The following ELL variants were observed in gnomAD, a reference collection of about 807,000 sequenced individuals.
ELL encodes RNA polymerase II elongation factor ELL.
A neutral mutation model predicts 64.0 loss-of-function variants in ELL; 18 were observed. The ratio of observed to expected loss-of-function variants is 0.28; its 90% CI spans 0.19 to 0.42. ELL has a LOEUF of 0.42. Among genes scored for constraint, ELL ranks in the 10% least tolerant of loss-of-function variants. The pLI, the probability that ELL is intolerant of heterozygous loss-of-function variation, is 1.00. For missense variants in ELL, 797 were observed against 870.4 expected, an observed-to-expected ratio of 0.92 and a Z score of 1.06; for synonymous variants, 399 against 376.2, an observed-to-expected ratio of 1.06 and a Z score of -0.70.
In ELL at chr19:18,462,334, G is replaced by GGTGTGTGTGTGTGTGT. The variant is rs765676443; in HGVS notation, c.470-483_470-482insACACACACACACACAC. Among the ~76,000 whole-genome samples the GGTGTGTGTGTGTGTGT allele has an allele frequency of 4.2e-4, 38 of 90,572 alleles. 2 individuals are homozygous for GGTGTGTGTGTGTGTGT. The highest frequency in any genetic ancestry group is 2.5e-3 in the African/African-American group (36 of 14,230). The allele number at this position is 90,572 out of a possible 152,430, so 59.4% of individuals were successfully genotyped here. A position where few individuals can be genotyped will look rare whatever the true frequency, so the allele number is the denominator to read the frequency against. On this transcript the variant is annotated intron_variant, in intron 4 of 11. Coordinates refer to ENST00000262809, the MANE Select transcript of ELL (RefSeq NM_006532.4). ...TGAAATCACCTGATCACTCTAGTGG[G>GGTGTGTGTGTGTGTGT]CTGTGTGTGTGTGTGTGTGTGTGTG...
At chr19:18,451,090 C>G (rs1974522582) in intron 7 of ELL, 115 bp from the exon 8 acceptor site, 2 of 1,362,786 alleles carry the variant, frequency 1.5e-6, no homozygotes, top group Non-Finnish European at 1.9e-6. Context: ...ACGCTGGCCA[C>G]ATGGGGGCGC....
At chr19:18,458,547 G>T (rs1420876098) in intron 5 of ELL, among the ~76,000 whole-genome samples, 1 of 152,122 alleles carries the variant, frequency 6.6e-6, no homozygotes, top group African/African-American at 2.4e-5. Context: ...GGATAATGAG[G>T]GTCATGAAGG....
At chr19:18,484,678 G>A (rs1975374742) in intron 1 of ELL, among the ~76,000 whole-genome samples, 1 of 152,136 alleles carries the variant, frequency 6.6e-6, no homozygotes, top group African/African-American at 2.4e-5. Context: ...AACCGGCAAG[G>A]AAGCACATGA....
rs1974479370 is a variant in ELL, at chr19:18,449,556, C to T, written c.1465+921G>A. ...AGGGGACGGGGCATGGCCCTCTGAG[C>T]AACGCAAAGCTATAATGAAAGAAGG... On this transcript the variant is annotated intron_variant, in intron 8 of 11. Coordinates refer to ENST00000262809, the MANE Select transcript of ELL (RefSeq NM_006532.4). The surrounding 1 kb of genome is among the most constrained non-coding windows in gnomAD (Gnocchi z 4.4). Among the ~76,000 whole-genome samples, 1 of 152,192 alleles carries T rather than the reference C, an allele frequency of 6.6e-6. No homozygotes were observed. The highest frequency in any genetic ancestry group is 1.5e-5 in the Non-Finnish European group (1 of 68,034).
chr19:18,494,893 A>C (rs564736790), intron 1 of ELL, among the ~76,000 whole-genome samples: 1 of 152,266 alleles, frequency 6.6e-6, no homozygotes, highest in African/African-American at 2.4e-5. Context: ...TGGCATCTGG[A>C]CAACTCTACC....
At chr19:18,458,116 C>A in intron 6 of ELL, 89 bp downstream of exon 6, 1 of 1,565,244 alleles carries the variant, frequency 6.4e-7, no homozygotes. Flanking sequence ...GCCTTCAGGA[C>A]CACACAAGAC....
At chr19:18,493,376 T>A (rs1240263508) in intron 1 of ELL, among the ~76,000 whole-genome samples, 1 of 152,134 alleles carries the variant, frequency 6.6e-6, no homozygotes, top group Non-Finnish European at 1.5e-5. Context: ...CTGGGCAGCA[T>A]AACAATGCAT....
Position 18,461,896 on chromosome 19 carries a change from C to T in ELL, c.470-44G>A, listed in dbSNP as rs975611317. 11 of 1,582,376 alleles carry T rather than the reference C, an allele frequency of 7.0e-6. No individual in the cohort carries two copies. The South Asian group carries it at 7.1e-5, about 10-fold the overall frequency. ...CTTTAGGGAACAGAGAGGGCGCTGCCGTGTCCTAAGCCAGTGCTGCTGACC... is the reference window on the plus strand; with the variant it reads ...CTTTAGGGAACAGAGAGGGCGCTGCTGTGTCCTAAGCCAGTGCTGCTGACC... On this transcript the variant is annotated intron_variant, in intron 4 of 11. Transcript: ENST00000262809.
At chr19:18,502,511 A>T (rs1600495046) in intron 1 of ELL, among the ~76,000 whole-genome samples, 1 of 152,364 alleles carries the variant, frequency 6.6e-6, no homozygotes, top group South Asian at 2.1e-4. Flanking sequence ...AAATCCTGCA[A>T]CCAGCCGCAT....
At chr19:18,503,942 G>A (rs915724788) in intron 1 of ELL, among the ~76,000 whole-genome samples, 2 of 152,168 alleles carry the variant, frequency 1.3e-5, no homozygotes, top group Admixed American at 6.5e-5. Context: ...CTGGCCAGAC[G>A]CTAGGTCTGA....
At position 18,444,879 on chromosome 19, in the gene ELL, G is replaced by A. The variant is rs1974378842; in HGVS notation, c.1750-11C>T. 6.2e-7 allele frequency: 1 copy of A among 1,608,306 alleles called. No homozygotes were observed. The highest frequency in any genetic ancestry group is 2.2e-5 in the East Asian group (1 of 44,830). ...GTAGTTGGTGTTGGTCTGTGGGACA[G>A]CACAGTCATGCTCAGGACAGAGCCG... is the stretch of plus-strand genomic sequence containing the variant. On this transcript the variant is annotated splice_polypyrimidine_tract_variant and intron_variant, in intron 11 of 11. Coordinates refer to ENST00000262809, the MANE Select transcript of ELL (RefSeq NM_006532.4).
At chr19:18,509,593 G>GCGCGCGCGCGCGCACACACA (rs1438642062) in intron 1 of ELL, among the ~76,000 whole-genome samples, 9 of 83,238 alleles carry the variant, frequency 1.1e-4, no homozygotes, top group Non-Finnish European at 1.4e-4. Flanking sequence ...GCGCGCGCGC[G>GCGCGCGCGCGCGCACACACA]CACATACACA....
At chr19:18,494,170 T>C (rs1014632891) in intron 1 of ELL, among the ~76,000 whole-genome samples, 23 of 151,238 alleles carry the variant, frequency 1.5e-4, no homozygotes, top group African/African-American at 5.3e-4. Context: ...AAGGTTATAG[T>C]GAGCTGTGAT....
intron 1 of ELL, among the ~76,000 whole-genome samples, chr19:18,512,350 G>T (rs1600506930): frequency 6.6e-6 from 1 of 151,320 alleles, no homozygotes; most frequent in African/African-American, 2.4e-5. Context: ...TAAAAATAAA[G>T]AAACAGGCCA....
intron 4 of ELL, among the ~76,000 whole-genome samples, chr19:18,463,381 C>G (rs1304826575): frequency 1.5e-5 from 2 of 130,446 alleles, no homozygotes; most frequent in African/African-American, 3.1e-5. Flanking sequence ...GTTGCGCAGG[C>G]TGGAGTGCAA....
intron 5 of ELL, among the ~76,000 whole-genome samples, chr19:18,458,535 A>C (rs1185217057): frequency 6.6e-6 from 1 of 152,122 alleles, no homozygotes; most frequent in Non-Finnish European, 1.5e-5. Context: ...AGGGTGCAGA[A>C]GGGATAATGA....
At chr19:18,498,823 G>A (rs1036370394) in intron 1 of ELL, among the ~76,000 whole-genome samples, 1 of 152,140 alleles carries the variant, frequency 6.6e-6, no homozygotes, top group African/African-American at 2.4e-5. Flanking sequence ...GGTGGCAGGC[G>A]CCTATAGTCC....
chr19:18,459,266 C>T (rs749364554), intron 5 of ELL, among the ~76,000 whole-genome samples: 42 of 152,164 alleles, frequency 2.8e-4, no homozygotes, highest in Non-Finnish European at 5.4e-4. Flanking sequence ...ACGTCTGAGC[C>T]CACCTTCCCT....
At position 18,450,767 on chromosome 19, in the gene ELL, C is replaced by T. The variant is rs1974512256; in HGVS notation, c.1175G>A (p.Arg392Lys). The T allele has an allele frequency of 2.5e-6, 4 of 1,579,474 alleles. No homozygotes were observed. The highest frequency in any genetic ancestry group is 2.3e-5 in the East Asian group (1 of 43,894). The change falls in exon 8 of 12, where the codon AGG becomes AAG. Residue 392 changes from arginine to lysine, a missense_variant. Coordinates refer to ENST00000262809, the MANE Select transcript of ELL (RefSeq NM_006532.4). ...GACATCGGCCAGGGGGTCGTGGGCCCTCGGGGGCTCCAGCCGCGGGGGCAG... is the reference window on the plus strand; with the variant it reads ...GACATCGGCCAGGGGGTCGTGGGCCTTCGGGGGCTCCAGCCGCGGGGGCAG... Reference protein sequence around the residue: ...THLPPRLEPPRAHDPLADVSN... With the variant: ...THLPPRLEPPKAHDPLADVSN...
Sources: gnomAD v4.1 joint callset for allele counts (sites outside exome capture counted in the v4.1 genomes callset) on GRCh38, gnomAD v4.1.1 for gene constraint, Gnocchi (gnomAD v3.1) non-coding constraint, MANE v1.5 for transcripts, NCBI Gene and HGNC (gene_info 2026-07-23, HGNC 2026-07-21) for gene names.